Variants in LITAF observed in about 807,000 individuals in gnomAD.
The protein encoded by LITAF is lipopolysaccharide induced TNF factor, also known as lipopolysaccharide-induced tumor necrosis factor-alpha factor.
In LITAF, 9 loss-of-function variants were observed where a neutral mutation model predicts 14.5. The ratio of observed to expected loss-of-function variants is 0.62; its 90% confidence interval spans 0.37 to 1.08. The LOEUF (loss-of-function observed/expected upper bound fraction) is 1.08. Ranked by LOEUF, LITAF falls within the 50% of genes least tolerant of loss-of-function variation. The pLI, the probability that LITAF is intolerant of heterozygous loss-of-function variation, is 0.01. For synonymous variants in LITAF, 98 were observed against 88.2 expected (o/e 1.11, Z -0.62); for missense variants, 206 against 213.4 (o/e 0.97, Z 0.22).
At chr16:11,600,939 A>T (rs1260640889), upstream of LITAF, among the ~76,000 whole-genome samples, 1 of 152,170 alleles carries the variant, frequency 6.6e-6, no homozygotes, top group African/African-American at 2.4e-5. This position sits in a 1 kb window ranked among gnomAD's most constrained non-coding sequence, Gnocchi z 4.1. Context: ...TAATACAGGC[A>T]AACCGGGGCA....
At chr16:11,594,104 T>C (rs945394035) in intron 1 of LITAF, among the ~76,000 whole-genome samples, 2 of 151,996 alleles carry the variant, frequency 1.3e-5, no homozygotes, top group African/African-American at 4.8e-5. Context: ...AAGGATCACT[T>C]GAACCTGGGA....
At chr16:11,616,974 C>T (rs998402593) in intron 3 of LITAF, among the ~76,000 whole-genome samples, 14 of 147,196 alleles carry the variant, frequency 9.5e-5, no homozygotes, top group African/African-American at 3.3e-4. Context: ...AATCCCAACA[C>T]TTTGGGAGGC....
chr16:11,579,550 C>T (rs1229207325), intron 1 of LITAF, among the ~76,000 whole-genome samples: 1 of 150,106 alleles, frequency 6.7e-6, no homozygotes, highest in Non-Finnish European at 1.5e-5. Flanking sequence ...AATGTAGTAC[C>T]CTAGGTTAGG....
Position 11,634,969 on chromosome 16 carries a change from G to C in LITAF, c.-21+856C>G, listed in dbSNP as rs1179243780. 1.3e-5 allele frequency among the ~76,000 whole-genome samples: 2 copies of C among 152,090 alleles called. No individual in the cohort carries two copies. Among genetic ancestry groups the C allele is most frequent in the African/African-American group, 4.8e-5 (2 of 41,404 alleles). ...GAATCGATTGAACCCGGGAAGCGGA[G>C]GTTGCAGAGAGCTGAGATCACGCCA... On this transcript the variant is annotated intron_variant, in intron 2 of 3. Transcript: ENST00000574848. The surrounding 1 kb of genome is among the most constrained non-coding windows in gnomAD (Gnocchi z 4.1).
At chr16:11,563,312 C>T (rs1477139623) in intron 1 of LITAF, among the ~76,000 whole-genome samples, 3 of 152,116 alleles carry the variant, frequency 2.0e-5, no homozygotes, top group Non-Finnish European at 4.4e-5. Context: ...ACACGCCCAG[C>T]TAATTTTTGT....
intron 3 of LITAF, among the ~76,000 whole-genome samples, chr16:11,617,426 C>CTTTT (rs71136673): frequency 1.5e-3 from 114 of 73,726 alleles, no homozygotes; most frequent in Admixed American, 2.1e-3. Context: ...TGGCTTCACT[C>CTTTT]TTTTTTTTTT....
chr16:11,591,792 C>T (rs981757335), upstream of LITAF, among the ~76,000 whole-genome samples: 10 of 151,958 alleles, frequency 6.6e-5, no homozygotes, highest in African/African-American at 2.4e-4. Context: ...AGGCATGCAC[C>T]ACCACAGGCT....
chr16:11,637,867 T>G (rs1287284483), upstream of LITAF, among the ~76,000 whole-genome samples: 2 of 131,272 alleles, frequency 1.5e-5, no homozygotes, highest in East Asian at 4.2e-4. Flanking sequence ...GGTGACAGAG[T>G]GAGAACCTTC....
At chr16:11,629,575 G>A (rs966496434) in intron 3 of LITAF, among the ~76,000 whole-genome samples, 3 of 152,172 alleles carry the variant, frequency 2.0e-5, no homozygotes, top group Admixed American at 6.6e-5. Flanking sequence ...GGGAAACACA[G>A]CTGTGAGCAG....
intron 1 of LITAF, chr16:11,561,604 T>A (rs529708624): frequency 6.6e-6 from 1 of 151,816 alleles, no homozygotes; most frequent in African/African-American, 2.4e-5. Context: ...CAGGCCAGAA[T>A]AGTAAAAAAG....
intron 1 of LITAF, among the ~76,000 whole-genome samples, chr16:11,562,990 C>T (rs919605182): frequency 1.3e-5 from 2 of 151,610 alleles, no homozygotes; most frequent in Non-Finnish European, 2.9e-5. Flanking sequence ...TAGCCAGACA[C>T]GGTTGCACAA....
rs114760117 is a variant in LITAF at position 11,630,158 on chromosome 16, G to T, written c.85+3375C>A. ...GATAGGAACCAGACCCCTGGCGTTG[G>T]GGGGGCTCCAAACCTCTGTGTTTGG... On this transcript the variant is annotated intron_variant, in intron 3 of 3. Transcript: ENST00000574848. Among the ~76,000 whole-genome samples the T allele has an allele frequency of 3.2e-4, 49 of 152,216 alleles. No homozygotes were observed. The East Asian group carries it at 6.9e-3, about 22-fold the overall frequency.
chr16:11,626,725 G>A (rs758753630), intron 3 of LITAF, among the ~76,000 whole-genome samples: 1 of 152,156 alleles, frequency 6.6e-6, no homozygotes, highest in Non-Finnish European at 1.5e-5. Flanking sequence ...GCCCACCTTG[G>A]CCTCCCAAAG....
chr16:11,591,718 G>A (rs1567256786), upstream of LITAF, among the ~76,000 whole-genome samples: 1 of 152,038 alleles, frequency 6.6e-6, no homozygotes, highest in Non-Finnish European at 1.5e-5. Context: ...TTGGCTCACT[G>A]CAACATTCAC....
At chr16:11,591,781 C>T (rs1005807772), upstream of LITAF, among the ~76,000 whole-genome samples, 9 of 152,050 alleles carry the variant, frequency 5.9e-5, no homozygotes, top group African/African-American at 1.9e-4. Context: ...GCTGGAATTA[C>T]AGGCATGCAC....
chr16:11,588,102 G>A (rs530659784), upstream of LITAF, among the ~76,000 whole-genome samples: 30 of 152,220 alleles, frequency 2.0e-4, no homozygotes, highest in African/African-American at 7.0e-4. Context: ...ACCCTCAGCC[G>A]TGGACGAGTT....
At position 11,553,274 on chromosome 16, in the gene LITAF, G is replaced by T. The variant is rs189687474; in HGVS notation, c.377+259C>A. 5.0e-5 allele frequency: 23 copies of T among 456,158 alleles called. No homozygotes were observed. The highest frequency in any genetic ancestry group is 4.4e-4 in the African/African-American group (22 of 50,442). 28.3% of individuals were successfully genotyped at this position (456,158 alleles called of 1,614,324 possible). A position where few individuals can be genotyped will look rare whatever the true frequency, so the allele number is the denominator to read the frequency against. On this transcript the variant is annotated intron_variant, in intron 3 of 3. Coordinates refer to ENST00000622633, the MANE Select transcript of LITAF (RefSeq NM_001136472.2). This position sits in a 1 kb window ranked among gnomAD's most constrained non-coding sequence, Gnocchi z 7.7. The stretch of plus-strand genomic sequence containing the variant: ...GCTCTACTAAAAATAAGCTGGGCGT[G>T]GTTGTGCACCCCTATAATCCCAGCT...
chr16:11,603,031 T>A, upstream of LITAF, among the ~76,000 whole-genome samples: 1 of 152,042 alleles, frequency 6.6e-6, no homozygotes, highest in Non-Finnish European at 1.5e-5. Context: ...AGAGGGTCCC[T>A]TGAACCCAGA....
intron 3 of LITAF, among the ~76,000 whole-genome samples, chr16:11,618,943 A>C (rs913146880): frequency 6.6e-6 from 1 of 151,420 alleles, no homozygotes; most frequent in Non-Finnish European, 1.5e-5. Flanking sequence ...AGATTACGCC[A>C]CTGCACTCCA....
Sources: allele counts gnomAD v4.1 joint callset (sites outside exome capture counted in the v4.1 genomes callset), GRCh38; gene constraint gnomAD v4.1.1; non-coding constraint Gnocchi (gnomAD v3.1); transcripts MANE v1.5; gene names NCBI Gene and HGNC (gene_info 2026-07-23, HGNC 2026-07-21).